Variants in RGS6 observed in about 807,000 individuals in gnomAD.
The protein encoded by RGS6 is regulator of G-protein signaling 6.
In RGS6, 30 loss-of-function variants were observed where a neutral mutation model predicts 78.5. The observed-to-expected ratio is 0.38, with a 90% CI of 0.29 to 0.52. The LOEUF (loss-of-function observed/expected upper bound fraction) is 0.52, where lower values mean the gene tolerates loss of function less well. Among genes scored for constraint, RGS6 ranks in the 20% least tolerant of loss-of-function variants. The pLI is 0.85. For missense variants in RGS6, 495 were observed against 609.7 expected (o/e 0.81, Z 1.98); for synonymous variants, 206 against 206.0 (o/e 1.00, Z 0.00).
At chr14:72,165,092 CAAGA>C (rs2096906482) in intron 2 of RGS6, among the ~76,000 whole-genome samples, 1 of 152,138 alleles carries the variant, frequency 6.6e-6, no homozygotes, top group Non-Finnish European at 1.5e-5. Context: ...TTGGGAATTC[CAAGA>C]AAGAGCCAGG....
intron 2 of RGS6, among the ~76,000 whole-genome samples, chr14:72,004,831 A>T (rs975699258): frequency 6.6e-6 from 1 of 150,864 alleles, no homozygotes; most frequent in African/African-American, 2.5e-5. Context: ...GTCTCAAAGT[A>T]AATAAATAAA....
At chr14:71,908,589 T>C in the RGS6 span, among the ~76,000 whole-genome samples, 1 of 152,246 alleles carries the variant, frequency 6.6e-6, no homozygotes, top group Non-Finnish European at 1.5e-5. Context: ...GTCTGATTTA[T>C]TACTATTACT....
intron 2 of RGS6, among the ~76,000 whole-genome samples, chr14:71,982,851 C>T (rs3784055): frequency 0.14 from 21,386 of 152,178 alleles, 1,776 homozygotes; most frequent in East Asian, 0.2. Context: ...CAGTTGCTCT[C>T]ATCAGGAGGG....
intron 2 of RGS6, among the ~76,000 whole-genome samples, chr14:72,082,895 C>G (rs1415181206): frequency 3.3e-5 from 5 of 152,120 alleles, no homozygotes; most frequent in Admixed American, 3.3e-4. Context: ...AACCCCAACT[C>G]AAATTGGCTT....
chr14:71,892,837 C>T, the RGS6 span, among the ~76,000 whole-genome samples: 2 of 152,156 alleles, frequency 1.3e-5, no homozygotes, highest in Admixed American at 1.3e-4. Context: ...TGGCATTTTA[C>T]GGCTTTTCAT....
At chr14:72,013,292 AAAC>A (rs1182426845) in intron 2 of RGS6, among the ~76,000 whole-genome samples, 9 of 150,142 alleles carry the variant, frequency 6.0e-5, no homozygotes, top group East Asian at 2.0e-4. Context: ...AAAAAAAAAA[AAAC>A]AACAACAACC....
intron 2 of RGS6, among the ~76,000 whole-genome samples, chr14:72,218,872 A>C (rs1485035720): frequency 1.3e-5 from 2 of 152,064 alleles, no homozygotes; most frequent in African/African-American, 2.4e-5. Context: ...GGCCTTCCAA[A>C]GTGCTGGGAT....
At chr14:72,152,739 C>T (rs1185010901) in intron 2 of RGS6, among the ~76,000 whole-genome samples, 3 of 152,116 alleles carry the variant, frequency 2.0e-5, no homozygotes, top group Admixed American at 6.6e-5. Flanking sequence ...GCTCCTCTGG[C>T]ACTTCAGGGG....
chr14:72,076,893 T>G (rs2094593057), intron 2 of RGS6, among the ~76,000 whole-genome samples: 1 of 151,338 alleles, frequency 6.6e-6, no homozygotes, highest in South Asian at 2.1e-4. Context: ...CAAATTATTT[T>G]ATATGCATAT....
rs892336317 is a variant in RGS6 at position 72,256,696 on chromosome 14, C to G, written c.85-95399C>G. ...ATTAAACTGTAAACTAAATTCCTCC[C>G]ATAGTTAGGTTGGCCTATATCCAGA... On this transcript the variant is annotated intron_variant, in intron 2 of 17. Coordinates refer to ENST00000553525, the MANE Select transcript of RGS6 (RefSeq NM_001204424.2). Among the ~76,000 whole-genome samples, 3 of 152,246 alleles carry G rather than the reference C, an allele frequency of 2.0e-5. No homozygotes were observed. In the South Asian group the frequency reaches 6.2e-4, roughly 32 times the overall value.
At chr14:72,148,066 G>C (rs943219457) in intron 2 of RGS6, among the ~76,000 whole-genome samples, 1 of 149,556 alleles carries the variant, frequency 6.7e-6, no homozygotes, top group Non-Finnish European at 1.5e-5. Flanking sequence ...GGGAGGCAGA[G>C]CTTGCAGTGA....
intron 11 of RGS6, chr14:72,477,181 A>G (rs2096260866): frequency 8.1e-6 from 2 of 246,668 alleles, no homozygotes; most frequent in Non-Finnish European, 1.6e-5. Flanking sequence ...ATTGGAATGC[A>G]CCAGCTCAGG....
chr14:72,520,217 C>T (rs2097016772), intron 15 of RGS6, among the ~76,000 whole-genome samples: 1 of 152,208 alleles, frequency 6.6e-6, no homozygotes, highest in Non-Finnish European at 1.5e-5. Context: ...CTCCCTTCCT[C>T]ACATCCCCTT....
intron 2 of RGS6, among the ~76,000 whole-genome samples, chr14:72,098,369 G>A (rs1042532503): frequency 2.0e-5 from 3 of 152,240 alleles, no homozygotes; most frequent in Non-Finnish European, 2.9e-5. Context: ...GGGTGAAGTC[G>A]TGTGGACATG....
At chr14:72,610,084 C>T in the RGS6 span, among the ~76,000 whole-genome samples, 1 of 152,234 alleles carries the variant, frequency 6.6e-6, no homozygotes, top group African/African-American at 2.4e-5. Flanking sequence ...GTAAAAGAGA[C>T]AAGCAAGCAT....
At position 72,356,057 on chromosome 14, in the gene RGS6, T is replaced by C. The variant is rs1004439829; in HGVS notation, c.184+3863T>C. ...ACCTTTCAATGAGATCACTCTATTA[T>C]ATTCAGAATTCCCTGGGGGATTGAG... On this transcript the variant is annotated intron_variant, in intron 3 of 17. Coordinates refer to ENST00000553525, the MANE Select transcript of RGS6 (RefSeq NM_001204424.2). 7.9e-5 allele frequency among the ~76,000 whole-genome samples: 12 copies of C among 152,318 alleles called. No homozygotes were observed. In the East Asian group the frequency reaches 9.6e-4, roughly 12 times the overall value.
At chr14:72,014,042 T>C (rs2086431999) in intron 2 of RGS6, among the ~76,000 whole-genome samples, 1 of 152,160 alleles carries the variant, frequency 6.6e-6, no homozygotes, top group Non-Finnish European at 1.5e-5. Flanking sequence ...CTGAGAAAAA[T>C]ACCTAGGTAA....
intron 3 of RGS6, among the ~76,000 whole-genome samples, chr14:72,385,063 G>C (rs1374773526): frequency 6.6e-6 from 1 of 152,042 alleles, no homozygotes; most frequent in Non-Finnish European, 1.5e-5. Context: ...TTGCATATTT[G>C]TAACGGTGTC....
chr14:72,327,962 G>T (rs1006306284), intron 2 of RGS6, among the ~76,000 whole-genome samples: 2 of 152,142 alleles, frequency 1.3e-5, no homozygotes, highest in Admixed American at 6.5e-5. Context: ...TTGTTCACGT[G>T]TTTGTAGAGG....
Sources: allele counts gnomAD v4.1 joint callset (sites outside exome capture counted in the v4.1 genomes callset), GRCh38; gene constraint gnomAD v4.1.1; transcripts MANE v1.5; gene names NCBI Gene and HGNC (gene_info 2026-07-23, HGNC 2026-07-21).